LRMDA: variants seen among roughly 807,000 people sequenced by gnomAD.
LRMDA encodes leucine-rich melanocyte differentiation-associated protein.
Under a neutral mutation model 29.8 loss-of-function variants are expected in LRMDA, and 18 were observed. The observed-to-expected ratio is 0.60, with a 90% CI of 0.42 to 0.90. LRMDA has a LOEUF of 0.90. Ranked by LOEUF, LRMDA falls within the 40% of genes least tolerant of loss-of-function variation. The probability of loss-of-function intolerance (pLI) is 0.00; values close to 1 mark genes in which losing one functional copy is unlikely to be tolerated. For synonymous variants in LRMDA, 125 were observed against 109.4 expected (o/e 1.14, Z -0.89); for missense variants, 273 against 273.9 (o/e 1.00, Z 0.02).
chr10:76,240,849 TA>T, intron 5 of LRMDA, among the ~76,000 whole-genome samples: 1 of 3,700 alleles, frequency 2.7e-4, no homozygotes, highest in South Asian at 6.2e-3. Context: ...TATGTGTGTA[TA>T]TATATATATA....
At chr10:75,930,736 A>C (rs114173329) in intron 2 of LRMDA, among the ~76,000 whole-genome samples, 252 of 152,338 alleles carry the variant, frequency 1.7e-3, no homozygotes, top group African/African-American at 5.8e-3. Flanking sequence ...TGCAATGTTC[A>C]TTTAGTTGAT....
At chr10:76,070,988 A>G (rs745424559) in intron 5 of LRMDA, among the ~76,000 whole-genome samples, 138 of 152,272 alleles carry the variant, frequency 9.1e-4, no homozygotes, top group Non-Finnish European at 4.6e-4. Context: ...TGCCCTCTGG[A>G]CAGCTGTGGA....
intron 2 of LRMDA, among the ~76,000 whole-genome samples, chr10:75,683,684 T>G (rs755859012): frequency 1.7e-4 from 26 of 152,228 alleles, no homozygotes; most frequent in Non-Finnish European, 3.1e-4. Flanking sequence ...AAGGCAAGCC[T>G]TATGTCTTTC....
At chr10:75,714,529 G>C (rs556546645) in intron 2 of LRMDA, among the ~76,000 whole-genome samples, 3 of 152,320 alleles carry the variant, frequency 2.0e-5, no homozygotes, top group Middle Eastern at 3.4e-3. Context: ...ACATGGCCCA[G>C]AAATAACAGC....
At chr10:76,100,551 T>TAA (rs3998130) in intron 5 of LRMDA, among the ~76,000 whole-genome samples, 65,560 of 151,786 alleles carry the variant, frequency 0.43, 14,644 homozygotes, top group Non-Finnish European at 0.46. Context: ...GCTTTTGCTT[T>TAA]ATGGGTGGGT....
At chr10:76,128,830 C>T (rs1452439306) in intron 5 of LRMDA, among the ~76,000 whole-genome samples, 1 of 152,098 alleles carries the variant, frequency 6.6e-6, no homozygotes, top group African/African-American at 2.4e-5. Context: ...GACGTGAAAG[C>T]GTTGAGCAGG....
At chr10:76,282,803 G>A (rs577292852) in intron 5 of LRMDA, among the ~76,000 whole-genome samples, 1 of 152,278 alleles carries the variant, frequency 6.6e-6, no homozygotes, top group African/African-American at 2.4e-5. Context: ...AGTCAATGAT[G>A]TTCTTCGTGT....
intron 5 of LRMDA, among the ~76,000 whole-genome samples, chr10:76,088,428 A>G (rs1849173796): frequency 6.6e-6 from 1 of 152,134 alleles, no homozygotes; most frequent in Non-Finnish European, 1.5e-5. Flanking sequence ...AAATTTGTCT[A>G]CTTTTTGGAG....
intron 5 of LRMDA, among the ~76,000 whole-genome samples, chr10:76,060,160 A>G (rs1243254797): frequency 6.6e-6 from 1 of 152,180 alleles, no homozygotes; most frequent in African/African-American, 2.4e-5. Context: ...AATGCACTCT[A>G]TAATATCCTG....
At chr10:75,822,441 A>G (rs955295500) in intron 2 of LRMDA, among the ~76,000 whole-genome samples, 13 of 152,278 alleles carry the variant, frequency 8.5e-5, no homozygotes, top group Admixed American at 3.9e-4. Flanking sequence ...CAATGTCACT[A>G]TTCGCAGAAT....
chr10:75,774,091 A>G (rs1270687459), intron 2 of LRMDA, among the ~76,000 whole-genome samples: 1 of 152,172 alleles, frequency 6.6e-6, no homozygotes, highest in Non-Finnish European at 1.5e-5. Flanking sequence ...AGTGTCATTT[A>G]TGTCTTCCAG....
At chr10:76,126,684 A>G (rs182287664) in intron 5 of LRMDA, among the ~76,000 whole-genome samples, 6 of 152,182 alleles carry the variant, frequency 3.9e-5, no homozygotes, top group Admixed American at 6.5e-5. Context: ...TGCTCCATGT[A>G]AGGGGCCTCA....
At chr10:76,511,908 A>C (rs1451551162) in intron 6 of LRMDA, among the ~76,000 whole-genome samples, 4 of 152,068 alleles carry the variant, frequency 2.6e-5, no homozygotes, top group Non-Finnish European at 5.9e-5. Context: ...GGGATCCAGA[A>C]TAACAAAAAT....
chr10:75,851,850 C>A (rs1014650887), intron 2 of LRMDA, among the ~76,000 whole-genome samples: 1 of 152,214 alleles, frequency 6.6e-6, no homozygotes, highest in Non-Finnish European at 1.5e-5. Context: ...AGGAGTACGG[C>A]TGCCTGCAAA....
chr10:75,484,279 A>G (rs1284315228), intron 2 of LRMDA, among the ~76,000 whole-genome samples: 1 of 152,114 alleles, frequency 6.6e-6, no homozygotes, highest in Non-Finnish European at 1.5e-5. Context: ...CTAACCTACT[A>G]ATATGATAAA....
At chr10:76,096,853 G>A (rs1156755794) in intron 5 of LRMDA, among the ~76,000 whole-genome samples, 2 of 152,030 alleles carry the variant, frequency 1.3e-5, no homozygotes, top group East Asian at 1.9e-4. Context: ...TGTGCTTTGT[G>A]CTATTATAAA....
chr10:76,075,408 G>A (rs1055714015), intron 5 of LRMDA, among the ~76,000 whole-genome samples: 1 of 152,224 alleles, frequency 6.6e-6, no homozygotes, highest in Non-Finnish European at 1.5e-5. Context: ...AGAGGTCTCA[G>A]GAGAAACCAG....
At chr10:76,014,128 A>ATATATATATATATAAAAT (rs71024581) in intron 2 of LRMDA, among the ~76,000 whole-genome samples, 36,933 of 94,104 alleles carry the variant, frequency 0.39, 7,072 homozygotes, top group Non-Finnish European at 0.5. Context: ...ATATATAATT[A>ATATATATATATATAAAAT]TATATATATA....
intron 5 of LRMDA, among the ~76,000 whole-genome samples, chr10:76,062,914 A>G (rs561823227): frequency 6.6e-6 from 1 of 152,234 alleles, no homozygotes; most frequent in Admixed American, 6.5e-5. Context: ...CATAGATCAA[A>G]GGGGTGCAGA....
Sources: allele counts gnomAD v4.1 joint callset (sites outside exome capture counted in the v4.1 genomes callset), GRCh38; gene constraint gnomAD v4.1.1; transcripts MANE v1.5; gene names NCBI Gene and HGNC (gene_info 2026-07-23, HGNC 2026-07-21).